Variants in OLFM3 observed in about 807,000 individuals in gnomAD.
The protein encoded by OLFM3 is noelin-3.
In OLFM3, 20 loss-of-function variants were observed where a neutral mutation model predicts 48.6. The ratio of observed to expected loss-of-function variants is 0.41; its 90% CI spans 0.29 to 0.60. The LOEUF (loss-of-function observed/expected upper bound fraction) is 0.60, where lower values mean the gene tolerates loss of function less well. OLFM3 is among the 20% of genes least tolerant of loss of function. OLFM3 has a pLI of 0.28. For missense variants in OLFM3, 437 were observed against 544.3 expected (o/e 0.80, Z 1.96); for synonymous variants, 222 against 198.1 (o/e 1.12, Z -1.01).
At chr1:101,984,988 G>A (rs1661196121) in intron 1 of OLFM3, among the ~76,000 whole-genome samples, 1 of 152,212 alleles carries the variant, frequency 6.6e-6, no homozygotes, top group Non-Finnish European at 1.5e-5. Context: ...AAGAGTCTTA[G>A]GAGCTTAAAA....
intron 1 of OLFM3, among the ~76,000 whole-genome samples, chr1:101,903,188 G>A (rs1310458706): frequency 6.6e-6 from 1 of 152,076 alleles, no homozygotes; most frequent in East Asian, 1.9e-4. Context: ...ACTGACACTG[G>A]AGTCCAGTCT....
intron 4 of OLFM3, 22 bp from the exon 5 acceptor site, chr1:101,806,204 C>T (rs754358302): frequency 5.7e-6 from 9 of 1,585,176 alleles, no homozygotes; most frequent in Admixed American, 3.3e-5. Flanking sequence ...GAAACACAAA[C>T]GTGTTAGGTG....
In OLFM3 at chr1:101,874,837, A is replaced by G. The variant is rs566629764; in HGVS notation, c.70-37812T>C. 1.1e-4 allele frequency among the ~76,000 whole-genome samples: 16 copies of G among 152,088 alleles called. 1 individual carries two copies. In the South Asian group the frequency reaches 2.5e-3, roughly 24 times the overall value. On this transcript the variant is annotated intron_variant, in intron 1 of 5. Transcript: ENST00000370103. ...GAAATAGGGGCATGGATCTAGTCTCATCTTCCCCAACTGGCTAGGTAGTTT... is the reference window on the plus strand; with the variant it reads ...GAAATAGGGGCATGGATCTAGTCTCGTCTTCCCCAACTGGCTAGGTAGTTT...
At chr1:101,864,333 T>G (rs1656775838) in intron 1 of OLFM3, among the ~76,000 whole-genome samples, 2 of 152,212 alleles carry the variant, frequency 1.3e-5, no homozygotes, top group South Asian at 2.1e-4. Flanking sequence ...TTTCTTGAAT[T>G]GATTTGGACA....
chr1:101,906,249 T>A (rs1002514035), intron 1 of OLFM3, among the ~76,000 whole-genome samples: 5 of 152,096 alleles, frequency 3.3e-5, no homozygotes, highest in Non-Finnish European at 4.4e-5. Flanking sequence ...AATTATTGAA[T>A]TGGAACAAAC....
At chr1:101,827,059 C>A (rs116188428) in intron 3 of OLFM3, among the ~76,000 whole-genome samples, 1,820 of 152,248 alleles carry the variant, frequency 0.012, 43 homozygotes, top group African/African-American at 0.042. Context: ...AAAGTCCACC[C>A]AATGCTCATA....
At chr1:101,810,939 G>A (rs574688176) in intron 4 of OLFM3, among the ~76,000 whole-genome samples, 2 of 151,858 alleles carry the variant, frequency 1.3e-5, no homozygotes, top group Admixed American at 6.6e-5. Context: ...TGAATGATAT[G>A]CATTTTCAAA....
At chr1:101,907,637 A>G (rs542650390) in intron 1 of OLFM3, among the ~76,000 whole-genome samples, 2 of 152,338 alleles carry the variant, frequency 1.3e-5, no homozygotes, top group South Asian at 2.1e-4. Flanking sequence ...AAAGTTTTCA[A>G]CATTACATGT....
At chr1:101,933,201 C>CAAAAAAAAAAAAAAAAAA (rs761881274) in intron 1 of OLFM3, among the ~76,000 whole-genome samples, 8 of 40,126 alleles carry the variant, frequency 2.0e-4, no homozygotes, top group Non-Finnish European at 3.1e-4. Flanking sequence ...GACTCCATCT[C>CAAAAAAAAAAAAAAAAAA]AAAAAAAAAA....
In OLFM3 at chr1:101,806,150, C is replaced by T. The variant is rs1399931221; in HGVS notation, c.625G>A (p.Val209Ile). Residue 209 changes from valine (V) to isoleucine (I), a missense_variant, in exon 5 of 6, where the codon GTT (valine) becomes ATT (isoleucine). This residue lies in a region of OLFM3 where 314 missense variants were observed against 365.5 expected (regional missense o/e 0.86). Transcript: ENST00000370103. Reference protein sequence around the residue: ...CGKLMKITGPVTVKTSGTRFG... With the variant: ...CGKLMKITGPITVKTSGTRFG... ...CGGGTTCCAGATGTCTTGACTGTAACTGGGCCTGTGATTTTCATCAGTTTG... is the reference window on the plus strand; with the variant it reads ...CGGGTTCCAGATGTCTTGACTGTAATTGGGCCTGTGATTTTCATCAGTTTG... The T allele has an allele frequency of 1.2e-6, 2 of 1,612,064 alleles. No homozygotes were observed. Among genetic ancestry groups the T allele is most frequent in the East Asian group, 2.2e-5 (1 of 44,812 alleles).
chr1:101,909,198 GC>G (rs1658662148), intron 1 of OLFM3, among the ~76,000 whole-genome samples: 3 of 152,160 alleles, frequency 2.0e-5, no homozygotes, highest in Admixed American at 1.3e-4. Flanking sequence ...CATTCTGATG[GC>G]CTTGAGTGGC....
intron 5 of OLFM3, among the ~76,000 whole-genome samples, chr1:101,805,601 T>G (rs1653733324): frequency 6.6e-6 from 1 of 151,842 alleles, no homozygotes; most frequent in Non-Finnish European, 1.5e-5. Flanking sequence ...CAGCGCTATT[T>G]CTTTTAAAAT....
At chr1:101,812,328 G>C (rs533708711) in intron 4 of OLFM3, 1 of 702,858 alleles carries the variant, frequency 1.4e-6, no homozygotes, top group African/African-American at 1.9e-5. Flanking sequence ...AGAACTTAAA[G>C]TGTAATTTTA....
intron 2 of OLFM3, among the ~76,000 whole-genome samples, chr1:101,831,256 G>T (rs1372094702): frequency 6.6e-6 from 1 of 152,102 alleles, no homozygotes; most frequent in Non-Finnish European, 1.5e-5. Flanking sequence ...TGTCGAAGAG[G>T]CCTAGAATGC....
intron 1 of OLFM3, among the ~76,000 whole-genome samples, chr1:101,965,143 C>T (rs1174737082): frequency 2.0e-5 from 3 of 152,158 alleles, no homozygotes; most frequent in Admixed American, 2.0e-4. Context: ...CAGGAAAATA[C>T]AGAAGGAGCC....
chr1:101,989,302 T>C (rs1413269622), intron 1 of OLFM3, among the ~76,000 whole-genome samples: 1 of 152,138 alleles, frequency 6.6e-6, no homozygotes, highest in Non-Finnish European at 1.5e-5. Flanking sequence ...CAACACCTTG[T>C]TTTTAAAGCA....
chr1:101,983,971 G>A (rs1661167305), intron 1 of OLFM3, among the ~76,000 whole-genome samples: 1 of 152,092 alleles, frequency 6.6e-6, no homozygotes, highest in Admixed American at 6.5e-5. Context: ...TTGAATCACG[G>A]GTAGCCTGCG....
chr1:101,982,115 T>C (rs1661120917), intron 1 of OLFM3, among the ~76,000 whole-genome samples: 1 of 152,142 alleles, frequency 6.6e-6, no homozygotes, highest in Admixed American at 6.6e-5. Context: ...ATTCTTTATT[T>C]GGGGGAAACC....
intron 4 of OLFM3, among the ~76,000 whole-genome samples, chr1:101,821,065 C>A: frequency 6.6e-6 from 1 of 152,010 alleles, no homozygotes; most frequent in East Asian, 1.9e-4. Flanking sequence ...ATATGCTTTT[C>A]TTTCTCTACC....
Sources: gnomAD v4.1 joint callset for allele counts (sites outside exome capture counted in the v4.1 genomes callset) on GRCh38, gnomAD v4.1.1 for gene constraint, gnomAD v4.1.1 regional missense constraint, MANE v1.5 for transcripts, NCBI Gene and HGNC (gene_info 2026-07-23, HGNC 2026-07-21) for gene names.